Variants in KHDRBS2 observed in about 807,000 individuals in gnomAD.
KHDRBS2 encodes the protein KH RNA binding domain containing, signal transduction associated 2.
A neutral mutation model predicts 44.3 loss-of-function variants in KHDRBS2; 26 were observed. That is an observed-to-expected ratio of 0.59 (90% confidence interval 0.43 to 0.81). KHDRBS2 has a LOEUF of 0.81. KHDRBS2 is among the 40% of genes least tolerant of loss of function. KHDRBS2 has a pLI of 0.00. For missense variants in KHDRBS2, 476 were observed against 433.1 expected, an observed-to-expected ratio of 1.10 and a Z score of -0.88; for synonymous variants, 194 against 151.1, an observed-to-expected ratio of 1.28 and a Z score of -2.08.
At chr6:61,593,272 G>A in the KHDRBS2 span, among the ~76,000 whole-genome samples, 1 of 152,046 alleles carries the variant, frequency 6.6e-6, no homozygotes, top group Admixed American at 6.6e-5. Context: ...CAGTTTGTAG[G>A]GCTTTAAGAG....
At chr6:62,229,194 G>T (rs552409163) in intron 1 of KHDRBS2, among the ~76,000 whole-genome samples, 1 of 152,212 alleles carries the variant, frequency 6.6e-6, no homozygotes, top group South Asian at 2.1e-4. Context: ...GGGTCCCTAA[G>T]CCCCTGGATG....
intron 6 of KHDRBS2, among the ~76,000 whole-genome samples, chr6:61,736,033 G>T (rs1775266375): frequency 6.6e-6 from 1 of 150,930 alleles, no homozygotes; most frequent in Admixed American, 6.6e-5. Flanking sequence ...GGTGCTCAAT[G>T]AGCTCTTTCA....
At chr6:61,572,588 C>T in the KHDRBS2 span, among the ~76,000 whole-genome samples, 1 of 152,000 alleles carries the variant, frequency 6.6e-6, no homozygotes, top group Non-Finnish European at 1.5e-5. Flanking sequence ...ACTAGCTAAC[C>T]AAATCCAAAA....
intron 6 of KHDRBS2, among the ~76,000 whole-genome samples, chr6:61,745,096 A>G (rs1328645571): frequency 6.6e-6 from 1 of 152,178 alleles, no homozygotes; most frequent in Non-Finnish European, 1.5e-5. Flanking sequence ...TTTAAAAAGG[A>G]AGCAATATAG....
chr6:61,737,990 C>T (rs1775633238), intron 6 of KHDRBS2, among the ~76,000 whole-genome samples: 1 of 151,860 alleles, frequency 6.6e-6, no homozygotes, highest in South Asian at 2.1e-4. Flanking sequence ...CAGTCAGTAT[C>T]TGCCTGAGAT....
the KHDRBS2 span, among the ~76,000 whole-genome samples, chr6:61,639,597 A>C: frequency 6.6e-6 from 1 of 151,942 alleles, no homozygotes; most frequent in East Asian, 1.9e-4. Context: ...TCCCTATACT[A>C]CTTAAGTTCT....
intron 6 of KHDRBS2, among the ~76,000 whole-genome samples, chr6:61,799,198 G>T (rs1283155071): frequency 6.6e-5 from 10 of 151,898 alleles, no homozygotes; most frequent in Non-Finnish European, 1.3e-4. Context: ...CATTAAATAG[G>T]CAGTCAGAGA....
At chr6:61,675,503 A>T (rs745824103), downstream of KHDRBS2, among the ~76,000 whole-genome samples, 52 of 151,784 alleles carry the variant, frequency 3.4e-4, no homozygotes, top group Non-Finnish European at 2.1e-4. Context: ...TTCAACGGTT[A>T]TTAAGCTAAA....
rs373061005 is a variant in KHDRBS2 at position 62,062,772 on chromosome 6, G to A, written c.220-14778C>T. On this transcript the variant is annotated intron_variant, in intron 2 of 8. Coordinates refer to ENST00000281156, the MANE Select transcript of KHDRBS2 (RefSeq NM_152688.4). ...AAGCTGGCAGAAGGCAAGAAATAAC[G>A]AAAATCAGAGCAGAACTGAAGGAAA... is the stretch of plus-strand genomic sequence containing the variant. 9.0e-4 allele frequency among the ~76,000 whole-genome samples: 133 copies of A among 146,974 alleles called. 1 individual carries two copies. The highest frequency in any genetic ancestry group is 3.1e-3 in the African/African-American group (124 of 39,790).
At chr6:62,027,383 CCCTGGTTTCTAGCATGGAG>C (rs1323657239) in intron 3 of KHDRBS2, among the ~76,000 whole-genome samples, 12 of 152,088 alleles carry the variant, frequency 7.9e-5, no homozygotes, top group African/African-American at 2.9e-4. Context: ...TCTTCCCTGT[CCCTGGTTTCTAGCATGGAG>C]CTCTTAGAAA....
rs574650847 is a variant in KHDRBS2, at chr6:62,103,428, G to C, written c.220-55434C>G. Among the ~76,000 whole-genome samples, 6 of 152,330 alleles carry C rather than the reference G, an allele frequency of 3.9e-5. No homozygotes were observed. The South Asian group carries it at 1.2e-3, about 32-fold the overall frequency. ...CCCCAGCATGCACACTGGCTGGGCT[G>C]CCACAGTGCCTGGGCTTGGTCACAA... On this transcript the variant is annotated intron_variant, in intron 2 of 8. Coordinates refer to ENST00000281156, the MANE Select transcript of KHDRBS2 (RefSeq NM_152688.4).
At chr6:61,971,800 TC>T (rs1771482025) in intron 4 of KHDRBS2, among the ~76,000 whole-genome samples, 1 of 152,162 alleles carries the variant, frequency 6.6e-6, no homozygotes, top group African/African-American at 2.4e-5. Context: ...CCACCATCCT[TC>T]CTTAAACACA....
intron 1 of KHDRBS2, among the ~76,000 whole-genome samples, chr6:62,247,573 G>A (rs1169168592): frequency 6.6e-6 from 1 of 151,886 alleles, no homozygotes; most frequent in African/African-American, 2.4e-5. Flanking sequence ...GTAGGCTTTT[G>A]AGGCCCAGCA....
At chr6:62,125,689 G>A (rs929258733) in intron 2 of KHDRBS2, among the ~76,000 whole-genome samples, 14 of 152,112 alleles carry the variant, frequency 9.2e-5, no homozygotes, top group Non-Finnish European at 1.8e-4. Flanking sequence ...CAATCCTGAG[G>A]TCCTCATTCC....
At chr6:62,056,928 A>G (rs1790414385) in intron 2 of KHDRBS2, among the ~76,000 whole-genome samples, 1 of 151,946 alleles carries the variant, frequency 6.6e-6, no homozygotes, top group Non-Finnish European at 1.5e-5. Flanking sequence ...TTCAATAGTT[A>G]TTTTATTTTT....
intron 2 of KHDRBS2, among the ~76,000 whole-genome samples, chr6:62,076,737 T>G (rs1004344593): frequency 6.6e-5 from 10 of 151,902 alleles, no homozygotes; most frequent in African/African-American, 2.4e-4. Flanking sequence ...GGATGCTCAA[T>G]AGTATTTGCT....
intron 8 of KHDRBS2, among the ~76,000 whole-genome samples, chr6:61,688,331 T>G (rs2127540659): frequency 6.6e-6 from 1 of 152,046 alleles, no homozygotes; most frequent in South Asian, 2.1e-4. Flanking sequence ...GTTATCTGAC[T>G]AAAGTCTAAA....
chr6:61,871,351 G>T (rs550892139), intron 6 of KHDRBS2, among the ~76,000 whole-genome samples: 75 of 152,280 alleles, frequency 4.9e-4, no homozygotes, highest in African/African-American at 1.8e-3. Flanking sequence ...AGAAATATGG[G>T]ATTATGTGAA....
At chr6:61,546,733 T>G in the KHDRBS2 span, among the ~76,000 whole-genome samples, 2 of 152,022 alleles carry the variant, frequency 1.3e-5, no homozygotes, top group Admixed American at 6.6e-5. Context: ...AAAGCAAAAA[T>G]TATGAGGAGC....
Sources: allele counts gnomAD v4.1 joint callset (sites outside exome capture counted in the v4.1 genomes callset), GRCh38; gene constraint gnomAD v4.1.1; transcripts MANE v1.5; gene names NCBI Gene and HGNC (gene_info 2026-07-23, HGNC 2026-07-21).